Variants in DCP1A observed in about 807,000 individuals in gnomAD.
The protein encoded by DCP1A is mRNA-decapping enzyme 1A.
DCP1A carries 20 observed loss-of-function variants against 58.0 expected under a neutral mutation model. The observed-to-expected ratio is 0.34, with a 90% CI of 0.24 to 0.50. The LOEUF (loss-of-function observed/expected upper bound fraction) is 0.50, where lower values mean the gene tolerates loss of function less well. DCP1A is among the 20% of genes least tolerant of loss of function. The probability of loss-of-function intolerance (pLI) is 0.98; values close to 1 mark genes in which losing one functional copy is unlikely to be tolerated. For missense variants in DCP1A, 613 were observed against 712.2 expected (o/e 0.86, Z 1.59); for synonymous variants, 285 against 275.1 (o/e 1.04, Z -0.36).
At chr3:53,319,955 AC>A (rs1553689714) in intron 3 of DCP1A, among the ~76,000 whole-genome samples, 1 of 151,790 alleles carries the variant, frequency 6.6e-6, no homozygotes, top group Non-Finnish European at 1.5e-5. Flanking sequence ...CATAGGTGAA[AC>A]CCGTCTCTAC....
chr3:53,345,447 A>T (rs2089280496), intron 1 of DCP1A, among the ~76,000 whole-genome samples: 2 of 152,188 alleles, frequency 1.3e-5, no homozygotes, highest in Admixed American at 1.3e-4. Context: ...ACTACCAAAC[A>T]AAATCAGCTT....
chr3:53,334,588 C>T (rs972645359), intron 3 of DCP1A, among the ~76,000 whole-genome samples: 1 of 152,182 alleles, frequency 6.6e-6, no homozygotes, highest in Non-Finnish European at 1.5e-5. Flanking sequence ...TAGGTTTGAA[C>T]AGCTTCTAGT....
chr3:53,324,081 T>A (rs545112218), intron 3 of DCP1A, among the ~76,000 whole-genome samples: 1 of 152,176 alleles, frequency 6.6e-6, no homozygotes, highest in East Asian at 1.9e-4. Flanking sequence ...CTCTTTTCCT[T>A]TGAAAAAATA....
Position 53,321,680 on chromosome 3 carries a change from C to G in DCP1A, c.305-2207G>C, listed in dbSNP as rs1279330029. ...GTTGCAGTGAGTCGAGATTGCACCACTGCACTGCAGCCTGGGCAACAAGAG... is the reference window on the plus strand; with the variant it reads ...GTTGCAGTGAGTCGAGATTGCACCAGTGCACTGCAGCCTGGGCAACAAGAG... On this transcript the variant is annotated intron_variant, in intron 3 of 9. Transcript: ENST00000610213. Among the ~76,000 whole-genome samples, 5 of 152,338 alleles carry G rather than the reference C, an allele frequency of 3.3e-5. No individual in the cohort carries two copies. The Middle Eastern group carries it at 0.01, about 311-fold the overall frequency.
At chr3:53,343,890 C>T (rs1553692878) in intron 2 of DCP1A, among the ~76,000 whole-genome samples, 1 of 152,112 alleles carries the variant, frequency 6.6e-6, no homozygotes, top group Admixed American at 6.6e-5. Context: ...GGATTACAGG[C>T]GTGAGCCACT....
chr3:53,334,471 T>C (rs1377344865), intron 3 of DCP1A, among the ~76,000 whole-genome samples: 1 of 152,206 alleles, frequency 6.6e-6, no homozygotes, highest in Non-Finnish European at 1.5e-5. Context: ...CTGGTTTTTA[T>C]TGGTTTGAAA....
intron 6 of DCP1A, among the ~76,000 whole-genome samples, chr3:53,298,530 G>T (rs1217132615): frequency 3.9e-5 from 6 of 152,336 alleles, no homozygotes; most frequent in African/African-American, 1.4e-4. Flanking sequence ...CTATTCATCT[G>T]CTAGAGTAGG....
At chr3:53,344,566 C>G (rs28535451) in intron 2 of DCP1A, among the ~76,000 whole-genome samples, 1 of 152,126 alleles carries the variant, frequency 6.6e-6, no homozygotes. Flanking sequence ...CAGAGCCAGT[C>G]TATGTATTGT....
chr3:53,305,837 T>C (rs1298698995), intron 5 of DCP1A, among the ~76,000 whole-genome samples: 1 of 152,214 alleles, frequency 6.6e-6, no homozygotes, highest in Non-Finnish European at 1.5e-5. Flanking sequence ...ATTGTACTAA[T>C]ATTATTAAGT....
rs1227436546 is a variant in DCP1A, at chr3:53,338,218, C to T, written c.304+3926G>A. On this transcript the variant is annotated intron_variant, in intron 3 of 9. Coordinates refer to ENST00000610213, the MANE Select transcript of DCP1A (RefSeq NM_018403.7). ...TCAATAACTCCAGAATTTATAACCT[C>T]CCCATAATTCATTGCAATCCCACTG... The T allele has an allele frequency of 1.0e-5, 4 of 401,552 alleles. No homozygotes were observed. In the East Asian group the frequency reaches 2.9e-4, roughly 29 times the overall value. 24.9% of individuals were successfully genotyped at this position (401,552 alleles called of 1,614,324 possible). A position where few individuals can be genotyped will look rare whatever the true frequency, so the allele number is the denominator to read the frequency against.
intron 4 of DCP1A, among the ~76,000 whole-genome samples, chr3:53,315,667 T>C (rs1425959937): frequency 3.3e-5 from 5 of 150,662 alleles, no homozygotes; most frequent in African/African-American, 1.2e-4. Context: ...TTAGATGACA[T>C]AGGGTCTAGA....
rs1706542090 is a variant in DCP1A, at chr3:53,284,260, A to G, written c.*3320T>C. ...TTTTTTGAGCAGTTAGGCACCTTCA[A>G]TTTCATGTTGCATTATTAGTAATAC... On this transcript the variant is annotated 3_prime_UTR_variant, in exon 10 of 10. Transcript: ENST00000610213. 6.6e-6 allele frequency: 1 copy of G among 152,116 alleles called. No individual in the cohort carries two copies. The highest frequency in any genetic ancestry group is 1.9e-4 in the East Asian group (1 of 5,200). 9.4% of individuals were successfully genotyped at this position (152,116 alleles called of 1,614,324 possible).
At chr3:53,337,531 T>G in intron 3 of DCP1A, among the ~76,000 whole-genome samples, 1 of 152,362 alleles carries the variant, frequency 6.6e-6, no homozygotes, top group East Asian at 1.9e-4. Flanking sequence ...GTTTAAATGA[T>G]TTAGCCAAGG....
intron 3 of DCP1A, chr3:53,328,986 G>A (rs1708185032): frequency 5.7e-6 from 1 of 174,802 alleles, no homozygotes; most frequent in Non-Finnish European, 1.2e-5. Context: ...GGCTAAGAAA[G>A]AAGTACTGCA....
intron 5 of DCP1A, among the ~76,000 whole-genome samples, chr3:53,311,137 T>A (rs1707631213): frequency 6.6e-6 from 1 of 152,202 alleles, no homozygotes; most frequent in Non-Finnish European, 1.5e-5. Flanking sequence ...TTTGAAGCTT[T>A]TTTCAGGATC....
intron 5 of DCP1A, 134 bp from the exon 6 acceptor site, chr3:53,304,424 G>C (rs1707406675): frequency 4.8e-6 from 3 of 621,194 alleles, no homozygotes; most frequent in Non-Finnish European, 8.4e-6. Context: ...CAAAATGTTT[G>C]CTCTGTACTC....
At chr3:53,301,280 T>C (rs1241895702) in intron 6 of DCP1A, among the ~76,000 whole-genome samples, 3 of 146,910 alleles carry the variant, frequency 2.0e-5, no homozygotes, top group African/African-American at 7.3e-5. Flanking sequence ...GTTTCTTTCT[T>C]TTTTTTTTGA....
intron 1 of DCP1A, among the ~76,000 whole-genome samples, chr3:53,345,414 A>G (rs782312668): frequency 3.3e-5 from 5 of 152,194 alleles, no homozygotes; most frequent in Non-Finnish European, 7.4e-5. Context: ...TTTGACAACT[A>G]GCAAATTTTG....
rs115060124 is a variant in DCP1A at position 53,303,942 on chromosome 3, T to G, written c.624+235A>C. Reference sequence around the variant, plus strand: ...GTTTTGCAAGGATTACTCTGGCTGTTGGGTTAAGAATAGGTAAGAAGCAAC... The same window carrying G: ...GTTTTGCAAGGATTACTCTGGCTGTGGGGTTAAGAATAGGTAAGAAGCAAC... On this transcript the variant is annotated intron_variant, in intron 6 of 9. Coordinates refer to ENST00000610213, the MANE Select transcript of DCP1A (RefSeq NM_018403.7). Among the ~76,000 whole-genome samples the G allele has an allele frequency of 9.5e-3, 1,451 of 152,320 alleles. 24 individuals carry two copies. Among genetic ancestry groups the G allele is most frequent in the African/African-American group, 0.033 (1,387 of 41,578 alleles).
Sources: allele counts gnomAD v4.1 joint callset (sites outside exome capture counted in the v4.1 genomes callset), GRCh38; gene constraint gnomAD v4.1.1; transcripts MANE v1.5; gene names NCBI Gene and HGNC (gene_info 2026-07-23, HGNC 2026-07-21).